Variants in SHANK2 observed in about 807,000 individuals in gnomAD.
SHANK2 encodes SH3 and multiple ankyrin repeat domains 2.
In SHANK2, 43 loss-of-function variants were observed where a neutral mutation model predicts 133.7. The observed-to-expected ratio is 0.32, with a 90% CI of 0.25 to 0.41. The LOEUF (loss-of-function observed/expected upper bound fraction) is 0.41. SHANK2 is among the 10% of genes least tolerant of loss of function. SHANK2 has a pLI of 1.00. For synonymous variants in SHANK2, 1,017 were observed against 952.8 expected, an observed-to-expected ratio of 1.07 and a Z score of -1.24; for missense variants, 1,994 against 2,235.8, an observed-to-expected ratio of 0.89 and a Z score of 2.18.
rs1306828954 is a variant in SHANK2 at position 70,882,370 on chromosome 11, T to G, written c.1174+14131A>C. Among the ~76,000 whole-genome samples, 1 of 152,190 alleles carries G rather than the reference T, an allele frequency of 6.6e-6. No individual in the cohort carries two copies. The highest frequency in any genetic ancestry group is 1.5e-5 in the Non-Finnish European group (1 of 68,042). Reference sequence around the variant, plus strand: ...CTGGGCTGTGCCTGTAGCTAGGAGCTGGGAACCAGTTCTATAGCCTACAAG... The same window carrying G: ...CTGGGCTGTGCCTGTAGCTAGGAGCGGGGAACCAGTTCTATAGCCTACAAG... On this transcript the variant is annotated intron_variant, in intron 11 of 25. Transcript: ENST00000601538. This position sits in a 1 kb window ranked among gnomAD's most constrained non-coding sequence, Gnocchi z 4.2.
chr11:70,798,784 G>A (rs1947977632), intron 13 of SHANK2, among the ~76,000 whole-genome samples: 1 of 152,214 alleles, frequency 6.6e-6, no homozygotes, highest in Admixed American at 6.5e-5. Flanking sequence ...CTTAGGTGAT[G>A]AGACAGGAAT....
chr11:71,143,685 G>A (rs1248817284), intron 3 of SHANK2, among the ~76,000 whole-genome samples: 1 of 152,132 alleles, frequency 6.6e-6, no homozygotes, highest in Non-Finnish European at 1.5e-5. Flanking sequence ...GCTCCACTGA[G>A]GCCTGCCTGA....
At chr11:71,180,903 C>T (rs1555113670) in intron 2 of SHANK2, among the ~76,000 whole-genome samples, 1 of 152,076 alleles carries the variant, frequency 6.6e-6, no homozygotes, top group South Asian at 2.1e-4. Flanking sequence ...CGAGGCACAG[C>T]CCCGTCCGGC....
At chr11:71,197,671 G>C (rs1426871587) in intron 2 of SHANK2, among the ~76,000 whole-genome samples, 1 of 152,278 alleles carries the variant, frequency 6.6e-6, no homozygotes, top group South Asian at 2.1e-4. Context: ...TTATTTTTGA[G>C]ACAGAGTCTC....
rs2136169577 is a variant in SHANK2, at chr11:70,569,196, G to A, written c.2062-66265C>T. Among the ~76,000 whole-genome samples, 2 of 152,292 alleles carry A rather than the reference G, an allele frequency of 1.3e-5. No individual in the cohort carries two copies. The highest frequency in any genetic ancestry group is 6.8e-3 in the Middle Eastern group (2 of 294). On this transcript the variant is annotated intron_variant, in intron 17 of 25. Coordinates refer to ENST00000601538, the MANE Select transcript of SHANK2 (RefSeq NM_012309.5). The surrounding 1 kb of genome is among the most constrained non-coding windows in gnomAD (Gnocchi z 5.1). ...ATCCTCTGTCCTCTCAGGGCCAATC[G>A]GACTGAGGACAGTCCCAAACCCCCG... is the stretch of plus-strand genomic sequence containing the variant.
At chr11:70,496,472 G>A (rs1189013520) in intron 21 of SHANK2, among the ~76,000 whole-genome samples, 2 of 152,218 alleles carry the variant, frequency 1.3e-5, no homozygotes, top group Admixed American at 1.3e-4. Flanking sequence ...GCCTGCGGCA[G>A]GCATCTTGTT....
chr11:70,660,568 G>A (rs1480264585), intron 16 of SHANK2, among the ~76,000 whole-genome samples: 3 of 152,212 alleles, frequency 2.0e-5, no homozygotes, highest in Non-Finnish European at 4.4e-5. Context: ...AGTGAGGCTT[G>A]GCTTCTGGGG....
chr11:70,604,076 T>C (rs908089258), intron 17 of SHANK2: 2 of 152,244 alleles, frequency 1.3e-5, no homozygotes, highest in East Asian at 3.9e-4. Context: ...GCGGGAGGGT[T>C]TGGGGAGGAG....
At chr11:70,576,471 A>T (rs1056590990) in intron 17 of SHANK2, among the ~76,000 whole-genome samples, 10 of 143,986 alleles carry the variant, frequency 6.9e-5, no homozygotes, top group Non-Finnish European at 1.2e-4. Context: ...TGTCTCTACT[A>T]AAAACAATAC....
chr11:70,880,299 C>G (rs573690619), intron 11 of SHANK2, among the ~76,000 whole-genome samples: 3 of 152,232 alleles, frequency 2.0e-5, no homozygotes, highest in South Asian at 4.2e-4. Context: ...GCATCCTGGT[C>G]GAAAGAAGGG....
At chr11:70,720,853 G>A (rs1439292510) in intron 14 of SHANK2, among the ~76,000 whole-genome samples, 3 of 152,226 alleles carry the variant, frequency 2.0e-5, no homozygotes, top group Non-Finnish European at 2.9e-5. Context: ...TCACACACAC[G>A]TACATGTATG....
At chr11:70,741,257 AT>A (rs1946519480) in intron 14 of SHANK2, among the ~76,000 whole-genome samples, 1 of 150,350 alleles carries the variant, frequency 6.7e-6, no homozygotes, top group African/African-American at 2.5e-5. Flanking sequence ...CCATCCATCC[AT>A]CCATCCATCC....
intron 15 of SHANK2, among the ~76,000 whole-genome samples, chr11:70,664,854 T>G (rs1166028695): frequency 6.6e-6 from 1 of 152,208 alleles, no homozygotes; most frequent in Non-Finnish European, 1.5e-5. Flanking sequence ...CAGCTTTGCT[T>G]TGACCCCAAG....
intron 11 of SHANK2, among the ~76,000 whole-genome samples, chr11:70,833,680 C>A (rs979943874): frequency 6.6e-6 from 1 of 152,236 alleles, no homozygotes; most frequent in Admixed American, 6.5e-5. Context: ...GCAGTACTTA[C>A]GCACAGTGGG....
In SHANK2 at chr11:71,167,422, C is replaced by CG. The variant is rs1422852111; in HGVS notation, c.-12-20085_-12-20084insC. Among the ~76,000 whole-genome samples, 13 of 144,570 alleles carry CG rather than the reference C, an allele frequency of 9.0e-5. No individual in the cohort carries two copies. In the East Asian group the frequency reaches 1.8e-3, roughly 20 times the overall value. The allele number at this position is 144,570 out of a possible 152,430, so 94.8% of individuals were successfully genotyped here. On this transcript the variant is annotated intron_variant, in intron 2 of 25. Transcript: ENST00000601538. ...GCTGGCCGGGCGGGGGGCTGACCCC[C>CG]CCCACCTCCCTCCCAGACGGGGCGG...
rs1345357768 is a variant in SHANK2 at position 70,571,522 on chromosome 11, C to G, written c.2062-68591G>C. On this transcript the variant is annotated intron_variant, in intron 17 of 25. Coordinates refer to ENST00000601538, the MANE Select transcript of SHANK2 (RefSeq NM_012309.5). Reference sequence around the variant, plus strand: ...ATAAAAGTCTAGATGCTACCCCCACCATGTGCCCCACCCCAGCAATAGCTG... The same window carrying G: ...ATAAAAGTCTAGATGCTACCCCCACGATGTGCCCCACCCCAGCAATAGCTG... Among the ~76,000 whole-genome samples the G allele has an allele frequency of 2.6e-5, 4 of 152,204 alleles. No homozygotes were observed. The East Asian group carries it at 7.7e-4, about 29-fold the overall frequency.
intron 9 of SHANK2, among the ~76,000 whole-genome samples, chr11:71,067,939 C>A (rs1951088670): frequency 6.6e-6 from 1 of 151,814 alleles, no homozygotes; most frequent in Non-Finnish European, 1.5e-5. Flanking sequence ...CCACCATCAC[C>A]ATCATCATTA....
chr11:70,585,184 C>T (rs959973087), intron 17 of SHANK2, among the ~76,000 whole-genome samples: 9 of 152,356 alleles, frequency 5.9e-5, no homozygotes, highest in South Asian at 2.1e-4. Context: ...CCGCCTGACT[C>T]GAGGGTGGGC....
intron 17 of SHANK2, among the ~76,000 whole-genome samples, chr11:70,574,426 C>T (rs991286419): frequency 6.6e-6 from 1 of 152,250 alleles, no homozygotes; most frequent in African/African-American, 2.4e-5. Context: ...CCTGCTTCTG[C>T]TCCATCCCAG....
Sources: gnomAD v4.1 joint callset for allele counts (sites outside exome capture counted in the v4.1 genomes callset) on GRCh38, gnomAD v4.1.1 for gene constraint, Gnocchi (gnomAD v3.1) non-coding constraint, MANE v1.5 for transcripts, NCBI Gene and HGNC (gene_info 2026-07-23, HGNC 2026-07-21) for gene names.